Variants in ANO4 observed in about 807,000 individuals in gnomAD.
ANO4 encodes the protein anoctamin 4.
ANO4 carries 69 observed loss-of-function variants against 141.9 expected under a neutral mutation model. That is an observed-to-expected ratio of 0.49 (90% CI 0.40 to 0.59). The LOEUF is 0.59. Ranked by LOEUF, ANO4 falls within the 20% of genes least tolerant of loss-of-function variation. The pLI is 0.00. For synonymous variants in ANO4, 350 were observed against 394.3 expected (o/e 0.89, Z 1.33); for missense variants, 894 against 1,162.2 (o/e 0.77, Z 3.36).
chr12:101,091,934 G>A (rs954748394), intron 17 of ANO4, among the ~76,000 whole-genome samples: 1 of 152,002 alleles, frequency 6.6e-6, no homozygotes, highest in Non-Finnish European at 1.5e-5. Context: ...GGCTGGTTAA[G>A]GGGCACTTAG....
intron 3 of ANO4, among the ~76,000 whole-genome samples, chr12:100,776,482 G>C (rs2033507990): frequency 6.6e-6 from 1 of 152,132 alleles, no homozygotes; most frequent in Non-Finnish European, 1.5e-5. Flanking sequence ...GTTTACTCTT[G>C]TTTCTAGACC....
At chr12:100,949,860 A>C (rs1806857402) in intron 5 of ANO4, among the ~76,000 whole-genome samples, 1 of 152,222 alleles carries the variant, frequency 6.6e-6, no homozygotes, top group Non-Finnish European at 1.5e-5. Context: ...AGAGCTAAAC[A>C]ACAATAGTAA....
At chr12:101,107,901 A>G (rs1463210660) in intron 22 of ANO4, among the ~76,000 whole-genome samples, 1 of 152,014 alleles carries the variant, frequency 6.6e-6, no homozygotes, top group Non-Finnish European at 1.5e-5. Flanking sequence ...GAGGAGGGAG[A>G]AATGAGAGAC....
At chr12:101,073,595 TAA>T (rs1555294638) in intron 14 of ANO4, among the ~76,000 whole-genome samples, 1 of 146,556 alleles carries the variant, frequency 6.8e-6, no homozygotes, top group East Asian at 2.0e-4. Flanking sequence ...ATAATAATAA[TAA>T]AAGAAAATAA....
chr12:100,990,160 A>G (rs566881385), intron 8 of ANO4, among the ~76,000 whole-genome samples: 1 of 150,624 alleles, frequency 6.6e-6, no homozygotes, highest in Non-Finnish European at 1.5e-5. Context: ...TATGAGATAT[A>G]GGTAAATGGA....
chr12:100,972,123 C>G (rs968751539), intron 6 of ANO4, among the ~76,000 whole-genome samples: 6 of 152,112 alleles, frequency 3.9e-5, no homozygotes, highest in Non-Finnish European at 7.4e-5. Flanking sequence ...GTAATGGAAT[C>G]TGCTAAAAAG....
intron 1 of ANO4, among the ~76,000 whole-genome samples, chr12:100,847,763 G>A (rs2037651891): frequency 6.6e-6 from 1 of 152,206 alleles, no homozygotes; most frequent in Non-Finnish European, 1.5e-5. Context: ...GAGCCAAGAT[G>A]AATTTTAATA....
At chr12:101,032,969 T>A (rs1377885385) in intron 9 of ANO4, among the ~76,000 whole-genome samples, 1 of 152,022 alleles carries the variant, frequency 6.6e-6, no homozygotes, top group East Asian at 1.9e-4. Flanking sequence ...CATTACTGGG[T>A]ATATACCCAA....
chr12:101,010,899 G>A (rs2136446246), intron 8 of ANO4, among the ~76,000 whole-genome samples: 1 of 152,216 alleles, frequency 6.6e-6, no homozygotes, highest in South Asian at 2.1e-4. Context: ...TTATTCTTTT[G>A]TTTTAGCAAT....
chr12:100,786,596 A>C (rs145877214), intron 3 of ANO4, among the ~76,000 whole-genome samples: 1 of 152,250 alleles, frequency 6.6e-6, no homozygotes, highest in East Asian at 1.9e-4. Flanking sequence ...TCTCTCCATC[A>C]AGCCCCTTCT....
rs1320177464 is a variant in ANO4, at chr12:101,048,230, G to A, written c.1252-111G>A. On this transcript the variant is annotated intron_variant, in intron 13 of 27. Coordinates refer to ENST00000392977, the MANE Select transcript of ANO4 (RefSeq NM_001286615.2). ...GAATATTCCCCCTACCCAAAACAAA[G>A]CCTGTAAAACTCATTATATAATCAC... 7 of 1,263,184 alleles carry A rather than the reference G, an allele frequency of 5.5e-6. No individual in the cohort carries two copies. The East Asian group carries it at 1.7e-4, about 30-fold the overall frequency. 78.2% of individuals were successfully genotyped at this position (1,263,184 alleles called of 1,614,324 possible). A position where few individuals can be genotyped will look rare whatever the true frequency, so the allele number is the denominator to read the frequency against.
At chr12:100,924,093 A>C (rs910089879) in intron 3 of ANO4, among the ~76,000 whole-genome samples, 5 of 151,874 alleles carry the variant, frequency 3.3e-5, no homozygotes, top group African/African-American at 1.2e-4. Context: ...TAGGTTGCTT[A>C]TTCACTCTGA....
intron 2 of ANO4, among the ~76,000 whole-genome samples, chr12:100,919,711 T>G (rs1453013837): frequency 1.4e-5 from 2 of 143,268 alleles, no homozygotes. Context: ...TGTGTATGTA[T>G]GTATGTATGT....
intron 1 of ANO4, among the ~76,000 whole-genome samples, chr12:100,837,692 T>A (rs2037004025): frequency 7.0e-6 from 1 of 142,756 alleles, no homozygotes; most frequent in Non-Finnish European, 1.5e-5. Flanking sequence ...TGCACTCCAG[T>A]CTGGGTGGCT....
chr12:100,886,113 C>T (rs1565971263), intron 1 of ANO4, among the ~76,000 whole-genome samples: 2 of 152,136 alleles, frequency 1.3e-5, no homozygotes, highest in Non-Finnish European at 2.9e-5. Flanking sequence ...TTTGTGTCCC[C>T]ACTTCCACTG....
At chr12:100,751,447 GA>G (rs1255159600) in intron 3 of ANO4, among the ~76,000 whole-genome samples, 1 of 152,136 alleles carries the variant, frequency 6.6e-6, no homozygotes, top group African/African-American at 2.4e-5. Context: ...GCACCTAACA[GA>G]TTGGGAAACA....
At chr12:100,919,411 A>C (rs1291931812) in intron 2 of ANO4, among the ~76,000 whole-genome samples, 2 of 152,082 alleles carry the variant, frequency 1.3e-5, no homozygotes, top group African/African-American at 2.4e-5. Context: ...CTCGATTTTT[A>C]CTGTACCCTT....
chr12:101,036,992 G>A (rs2047224609), intron 9 of ANO4, 103 bp from the exon 10 acceptor site: 3 of 1,151,336 alleles, frequency 2.6e-6, no homozygotes, highest in African/African-American at 3.0e-5. Context: ...AGGGTTGATA[G>A]CCTAGATTGT....
intron 1 of ANO4, among the ~76,000 whole-genome samples, chr12:100,825,160 C>T (rs1169236558): frequency 1.3e-5 from 2 of 151,970 alleles, no homozygotes; most frequent in Non-Finnish European, 2.9e-5. Context: ...TATTCCAACT[C>T]TTTTACTTAA....
Sources: gnomAD v4.1 joint callset for allele counts (sites outside exome capture counted in the v4.1 genomes callset) on GRCh38, gnomAD v4.1.1 for gene constraint, MANE v1.5 for transcripts, NCBI Gene and HGNC (gene_info 2026-07-23, HGNC 2026-07-21) for gene names.